Variants in NAV2 observed in about 807,000 individuals in gnomAD.
The protein encoded by NAV2 is helicase, APC down-regulated 1.
Under a neutral mutation model 223.2 loss-of-function variants are expected in NAV2, and 54 were observed. The ratio of observed to expected loss-of-function variants is 0.24; its 90% CI spans 0.19 to 0.30. The LOEUF (loss-of-function observed/expected upper bound fraction) is 0.30. Ranked by LOEUF, NAV2 falls within the 10% of genes least tolerant of loss-of-function variation. The probability of loss-of-function intolerance (pLI) is 1.00; values close to 1 mark genes in which losing one functional copy is unlikely to be tolerated. For synonymous variants in NAV2, 1,279 were observed against 1,239.3 expected (o/e 1.03, Z -0.67); for missense variants, 2,806 against 3,147.5 (o/e 0.89, Z 2.60).
intron 1 of NAV2, among the ~76,000 whole-genome samples, chr11:19,663,159 G>T (rs926643749): frequency 6.6e-6 from 1 of 152,200 alleles, no homozygotes; most frequent in Admixed American, 6.5e-5. Flanking sequence ...GTGTGTATGT[G>T]TGTAGAGTGT....
At chr11:19,878,117 AC>A (rs1208522502) in intron 4 of NAV2, among the ~76,000 whole-genome samples, 3 of 152,166 alleles carry the variant, frequency 2.0e-5, no homozygotes, top group Non-Finnish European at 4.4e-5. Context: ...ATAAGCAGTG[AC>A]TTTGCATCCT....
chr11:20,022,437 A>G, intron 11 of NAV2: 1 of 473,720 alleles, frequency 2.1e-6, no homozygotes. Context: ...GAATTAATGC[A>G]TATTTTTGTT....
the NAV2 span, among the ~76,000 whole-genome samples, chr11:19,345,594 G>A: frequency 1.3e-5 from 2 of 152,200 alleles, no homozygotes; most frequent in Non-Finnish European, 2.9e-5. This position sits in a 1 kb window ranked among gnomAD's most constrained non-coding sequence, Gnocchi z 5.2. Context: ...CCGGGCGAGC[G>A]GACGCATAGC....
intron 22 of NAV2, among the ~76,000 whole-genome samples, chr11:20,071,999 T>C (rs1172783404): frequency 6.6e-6 from 1 of 152,198 alleles, no homozygotes; most frequent in African/African-American, 2.4e-5. Context: ...ATTTTAGTCA[T>C]GAAGGCTTTG....
At position 19,617,739 on chromosome 11, in the gene NAV2, G is replaced by A. The variant is rs1438070941; in HGVS notation, c.76-214745G>A. On this transcript the variant is annotated intron_variant, in intron 1 of 37. Coordinates refer to the NAV2 transcript ENST00000360655. ...AAGAAGCAGTACAACAATGATCTGG[G>A]AGGGAGGACTTTTCACCTTCTCCTA... Among the ~76,000 whole-genome samples the A allele has an allele frequency of 2.6e-5, 4 of 152,176 alleles. 1 individual carries two copies. The East Asian group carries it at 7.7e-4, about 29-fold the overall frequency.
intron 6 of NAV2, among the ~76,000 whole-genome samples, chr11:19,916,325 C>T (rs889804279): frequency 2.0e-5 from 3 of 152,152 alleles, no homozygotes; most frequent in Non-Finnish European, 4.4e-5. Flanking sequence ...CCCAAAGCAT[C>T]ACAGGGTTTT....
chr11:19,618,393 G>GATGGATGTATGT (rs796800924), intron 1 of NAV2, among the ~76,000 whole-genome samples: 440 of 19,764 alleles, frequency 0.022, 9 homozygotes, highest in African/African-American at 0.031. Flanking sequence ...TGGATGGATG[G>GATGGATGTATGT]ATGAATAGAT....
intron 1 of NAV2, among the ~76,000 whole-genome samples, chr11:19,582,458 G>T (rs1331852344): frequency 6.6e-6 from 1 of 152,158 alleles, no homozygotes; most frequent in Non-Finnish European, 1.5e-5. Flanking sequence ...TGTCCTGAAT[G>T]GTATTGCCTA....
At chr11:19,785,770 T>C (rs1352849088) in intron 1 of NAV2, among the ~76,000 whole-genome samples, 1 of 152,152 alleles carries the variant, frequency 6.6e-6, no homozygotes, top group Non-Finnish European at 1.5e-5. Context: ...AGAAGCTGTC[T>C]CACTGTCTCT....
At chr11:19,453,927 C>T (rs1851874140) in intron 1 of NAV2, among the ~76,000 whole-genome samples, 1 of 152,286 alleles carries the variant, frequency 6.6e-6, no homozygotes, top group South Asian at 2.1e-4. Context: ...GAGGCCATTA[C>T]GATCATTTTT....
In NAV2 at chr11:19,990,682, T is replaced by C. The variant is rs546988149; in HGVS notation, c.2768+6435T>C. ...GTATTTGAGCCTTATCTCCCCTACA[T>C]ACATGTGGTAGAGGTGAGAGAATCT... On this transcript the variant is annotated intron_variant, in intron 11 of 37. Coordinates refer to ENST00000349880, the MANE Select transcript of NAV2 (RefSeq NM_145117.5). Among the ~76,000 whole-genome samples the C allele has an allele frequency of 1.2e-3, 177 of 152,300 alleles. 1 individual carries two copies. Among genetic ancestry groups the C allele is most frequent in the African/African-American group, 4.0e-3 (167 of 41,552 alleles).
chr11:19,488,956 C>G (rs2042535689), intron 1 of NAV2, among the ~76,000 whole-genome samples: 1 of 152,200 alleles, frequency 6.6e-6, no homozygotes, highest in Non-Finnish European at 1.5e-5. Flanking sequence ...TTTTCTCCCC[C>G]AGGATGCTTT....
At chr11:19,617,066 C>G (rs2046819411) in intron 1 of NAV2, among the ~76,000 whole-genome samples, 1 of 152,098 alleles carries the variant, frequency 6.6e-6, no homozygotes, top group Non-Finnish European at 1.5e-5. Flanking sequence ...CTTGTTCTCT[C>G]CTTTTTTCCC....
At chr11:19,418,690 G>GCC (rs1850483267) in intron 1 of NAV2, among the ~76,000 whole-genome samples, 2 of 152,196 alleles carry the variant, frequency 1.3e-5, no homozygotes, top group Admixed American at 1.3e-4. Flanking sequence ...AGAGGCAGCA[G>GCC]CCAGATCATA....
intron 11 of NAV2, chr11:20,027,300 C>T (rs900581151): frequency 5.7e-5 from 56 of 979,348 alleles, no homozygotes; most frequent in Non-Finnish European, 6.6e-5. Flanking sequence ...TCGTTCCGCT[C>T]GGGCCCCGGG....
At chr11:19,514,103 G>T (rs1485923754) in intron 1 of NAV2, among the ~76,000 whole-genome samples, 2 of 152,114 alleles carry the variant, frequency 1.3e-5, no homozygotes, top group African/African-American at 4.8e-5. Flanking sequence ...AGCCTAATCT[G>T]TATATTTTCT....
chr11:19,872,724 G>C (rs756918576), intron 4 of NAV2, among the ~76,000 whole-genome samples: 27 of 152,306 alleles, frequency 1.8e-4, no homozygotes, highest in African/African-American at 6.5e-4. Context: ...GCCCCGACCC[G>C]CCTGCTGGAG....
chr11:19,717,943 A>C (rs767528049), intron 1 of NAV2, among the ~76,000 whole-genome samples: 8 of 152,164 alleles, frequency 5.3e-5, no homozygotes, highest in Non-Finnish European at 1.0e-4. Flanking sequence ...GAAAAGACCT[A>C]ACTTAGCCAG....
At chr11:19,614,506 C>G (rs1341740067) in intron 1 of NAV2, among the ~76,000 whole-genome samples, 4 of 152,156 alleles carry the variant, frequency 2.6e-5, no homozygotes, top group Non-Finnish European at 5.9e-5. Context: ...CCTGGCCCTG[C>G]ACATATAGCA....
Sources: allele counts gnomAD v4.1 joint callset (sites outside exome capture counted in the v4.1 genomes callset), GRCh38; gene constraint gnomAD v4.1.1; non-coding constraint Gnocchi (gnomAD v3.1); transcripts MANE v1.5; gene names NCBI Gene and HGNC (gene_info 2026-07-23, HGNC 2026-07-21).